Variants in ALCAM observed in about 807,000 individuals in gnomAD.
ALCAM encodes CD166 antigen.
In ALCAM, 30 loss-of-function variants were observed where a neutral mutation model predicts 70.9. That is an observed-to-expected ratio of 0.42 (90% CI 0.32 to 0.57). The LOEUF is 0.57. Among genes scored for constraint, ALCAM ranks in the 20% least tolerant of loss-of-function variants. ALCAM has a pLI of 0.11. For synonymous variants in ALCAM, 249 were observed against 242.5 expected (o/e 1.03, Z -0.25); for missense variants, 591 against 695.1 (o/e 0.85, Z 1.68).
chr3:105,394,139 G>C (rs918531439), intron 1 of ALCAM, among the ~76,000 whole-genome samples: 1 of 151,928 alleles, frequency 6.6e-6, no homozygotes, highest in Non-Finnish European at 1.5e-5. Flanking sequence ...CAGCCTGTAA[G>C]CCTCCTAAAG....
intron 15 of ALCAM, among the ~76,000 whole-genome samples, chr3:105,573,405 C>T (rs1472189170): frequency 6.6e-6 from 1 of 152,072 alleles, no homozygotes; most frequent in Non-Finnish European, 1.5e-5. Flanking sequence ...CAGCCAATAT[C>T]CCAAATCATT....
chr3:105,428,023 T>A (rs921169974), intron 1 of ALCAM, among the ~76,000 whole-genome samples: 53 of 151,972 alleles, frequency 3.5e-4, no homozygotes, highest in African/African-American at 1.2e-3. Flanking sequence ...AGAAAAAAAA[T>A]GTTTAATTTA....
At chr3:105,463,099 G>A (rs1937626747) in intron 1 of ALCAM, among the ~76,000 whole-genome samples, 1 of 151,334 alleles carries the variant, frequency 6.6e-6, no homozygotes, top group African/African-American at 2.4e-5. Context: ...TTATTTTCCT[G>A]TGCACCTTCC....
intron 1 of ALCAM, among the ~76,000 whole-genome samples, chr3:105,436,418 C>T (rs1937050552): frequency 6.6e-6 from 1 of 152,102 alleles, no homozygotes; most frequent in African/African-American, 2.4e-5. Flanking sequence ...TCTTGGCTCA[C>T]CACAAGCTCT....
intron 1 of ALCAM, among the ~76,000 whole-genome samples, chr3:105,483,519 AG>A (rs1226405070): frequency 1.3e-5 from 2 of 152,158 alleles, no homozygotes; most frequent in African/African-American, 4.8e-5. Context: ...TATGGAAGAT[AG>A]GGTAAGAAAA....
chr3:105,538,021 A>G (rs924674508), intron 6 of ALCAM, among the ~76,000 whole-genome samples: 1 of 152,162 alleles, frequency 6.6e-6, no homozygotes, highest in African/African-American at 2.4e-5. Context: ...CAAATTGTGG[A>G]TACCAGGCTA....
chr3:105,536,078 C>A (rs1317213868), intron 6 of ALCAM, among the ~76,000 whole-genome samples: 1 of 151,106 alleles, frequency 6.6e-6, no homozygotes, highest in Non-Finnish European at 1.5e-5. Flanking sequence ...TAGGTGAAGG[C>A]AGAATTCTTT....
At chr3:105,370,794 T>G (rs1935206639) in intron 1 of ALCAM, among the ~76,000 whole-genome samples, 1 of 151,396 alleles carries the variant, frequency 6.6e-6, no homozygotes. Flanking sequence ...GACCCAAAAG[T>G]AAGAAAGGAT....
chr3:105,401,924 G>C (rs1936099544), intron 1 of ALCAM, among the ~76,000 whole-genome samples: 1 of 150,814 alleles, frequency 6.6e-6, no homozygotes, highest in Non-Finnish European at 1.5e-5. Context: ...TCAGGCATTA[G>C]TATTGTTTAA....
chr3:105,530,381 A>G (rs1021469690), intron 3 of ALCAM, among the ~76,000 whole-genome samples: 6 of 151,942 alleles, frequency 3.9e-5, no homozygotes, highest in African/African-American at 9.7e-5. Context: ...AAAGGCTTTA[A>G]CCCCCACACA....
chr3:105,522,587 A>G (rs1279965212), intron 2 of ALCAM, among the ~76,000 whole-genome samples: 1 of 151,734 alleles, frequency 6.6e-6, no homozygotes, highest in Non-Finnish European at 1.5e-5. Context: ...TCCCAACCCT[A>G]CTCCTGACAC....
intron 1 of ALCAM, among the ~76,000 whole-genome samples, chr3:105,517,932 A>G (rs1050544305): frequency 6.6e-6 from 1 of 152,134 alleles, no homozygotes; most frequent in Non-Finnish European, 1.5e-5. Flanking sequence ...TTAAAAATAC[A>G]TGATCTCTTC....
chr3:105,573,848 C>T (rs1408260088), intron 15 of ALCAM, among the ~76,000 whole-genome samples: 2 of 151,994 alleles, frequency 1.3e-5, no homozygotes, highest in East Asian at 1.9e-4. Context: ...AAGGATGGAG[C>T]GTGAGAAAAT....
chr3:105,508,532 A>G (rs1939143279), intron 1 of ALCAM, among the ~76,000 whole-genome samples: 1 of 152,182 alleles, frequency 6.6e-6, no homozygotes, highest in Non-Finnish European at 1.5e-5. Context: ...AGAATGTTGC[A>G]AACTATAAAA....
chr3:105,507,723 T>C (rs1939121145), intron 1 of ALCAM, among the ~76,000 whole-genome samples: 1 of 152,252 alleles, frequency 6.6e-6, no homozygotes, highest in Admixed American at 6.5e-5. Context: ...GTATAAACAT[T>C]CTTGTTCAGG....
chr3:105,506,475 T>A (rs1230278789), intron 1 of ALCAM, among the ~76,000 whole-genome samples: 2 of 152,198 alleles, frequency 1.3e-5, no homozygotes, highest in African/African-American at 4.8e-5. Context: ...TGGGAGTTGT[T>A]TCAGTTATAG....
chr3:105,407,481 C>T (rs536060983), intron 1 of ALCAM, among the ~76,000 whole-genome samples: 2 of 152,224 alleles, frequency 1.3e-5, no homozygotes, highest in East Asian at 3.9e-4. Context: ...ACATGATCAT[C>T]TCAATAGATG....
intron 8 of ALCAM, among the ~76,000 whole-genome samples, chr3:105,542,814 T>A (rs567752484): frequency 1.3e-5 from 2 of 151,918 alleles, no homozygotes; most frequent in South Asian, 4.1e-4. Flanking sequence ...GAGTGCTCCC[T>A]TGAGAGCCCT....
chr3:105,379,326 C>T (rs1239441088), intron 1 of ALCAM, among the ~76,000 whole-genome samples: 1 of 151,870 alleles, frequency 6.6e-6, no homozygotes, highest in Admixed American at 6.6e-5. Flanking sequence ...CATCTGAATA[C>T]ATTTTGGGCT....
Sources: gnomAD v4.1 joint callset for allele counts (sites outside exome capture counted in the v4.1 genomes callset) on GRCh38, gnomAD v4.1.1 for gene constraint, MANE v1.5 for transcripts, NCBI Gene and HGNC (gene_info 2026-07-23, HGNC 2026-07-21) for gene names.